SNTB1: variants seen among roughly 807,000 people sequenced by gnomAD.
SNTB1 encodes syntrophin beta 1.
A neutral mutation model predicts 48.9 loss-of-function variants in SNTB1; 36 were observed. That is an observed-to-expected ratio of 0.74 (90% CI 0.56 to 0.97). The LOEUF (loss-of-function observed/expected upper bound fraction) is 0.97. Among genes scored for constraint, SNTB1 ranks in the 50% least tolerant of loss-of-function variants. The probability of loss-of-function intolerance (pLI) is 0.00; values close to 1 mark genes in which losing one functional copy is unlikely to be tolerated. For missense variants in SNTB1, 786 were observed against 703.4 expected (o/e 1.12, Z -1.33); for synonymous variants, 299 against 294.6 (o/e 1.01, Z -0.15).
chr8:120,772,415 A>G (rs903661436), intron 1 of SNTB1, among the ~76,000 whole-genome samples: 2 of 147,678 alleles, frequency 1.4e-5, no homozygotes, highest in African/African-American at 2.5e-5. Flanking sequence ...CCAGCTAATT[A>G]TTTCTATTTT....
intron 2 of SNTB1, among the ~76,000 whole-genome samples, chr8:120,692,780 G>C (rs1440898935): frequency 6.6e-6 from 1 of 152,084 alleles, no homozygotes; most frequent in Non-Finnish European, 1.5e-5. Context: ...ACAGCACTGA[G>C]GCCTAGTAAG....
chr8:120,605,643 A>T (rs1816501248), intron 3 of SNTB1, among the ~76,000 whole-genome samples: 1 of 152,148 alleles, frequency 6.6e-6, no homozygotes, highest in South Asian at 2.1e-4. Context: ...ATATGTCTCA[A>T]AACTGAGATT....
chr8:120,809,458 T>G (rs1227596430), intron 1 of SNTB1, among the ~76,000 whole-genome samples: 1 of 152,202 alleles, frequency 6.6e-6, no homozygotes, highest in East Asian at 1.9e-4. Flanking sequence ...TTTCTTTCTC[T>G]AAGTTTATTT....
Position 120,548,155 on chromosome 8 carries a change from C to A in SNTB1, c.1333+607G>T, listed in dbSNP as rs551720201. ...TTCCTCTCCTCTCTATCTCTCTCCC[C>A]TCTCCTATTGCCATGTGATATCCCA... On this transcript the variant is annotated intron_variant, in intron 5 of 6. Coordinates refer to ENST00000517992, the MANE Select transcript of SNTB1 (RefSeq NM_021021.4). Among the ~76,000 whole-genome samples the A allele has an allele frequency of 5.9e-5, 9 of 152,200 alleles. No individual in the cohort carries two copies. The South Asian group carries it at 1.9e-3, about 32-fold the overall frequency.
At chr8:120,801,437 T>C (rs1820224676) in intron 1 of SNTB1, among the ~76,000 whole-genome samples, 1 of 152,022 alleles carries the variant, frequency 6.6e-6, no homozygotes, top group Non-Finnish European at 1.5e-5. Context: ...TTGTAACTTA[T>C]ATATATGTAA....
intron 3 of SNTB1, among the ~76,000 whole-genome samples, chr8:120,596,209 C>T (rs963550678): frequency 6.6e-6 from 1 of 152,186 alleles, no homozygotes; most frequent in Non-Finnish European, 1.5e-5. Flanking sequence ...TCCAGTGTCT[C>T]TCTACATAAC....
intron 1 of SNTB1, among the ~76,000 whole-genome samples, chr8:120,787,903 G>C (rs529035906): frequency 6.6e-6 from 1 of 152,208 alleles, no homozygotes; most frequent in East Asian, 1.9e-4. Context: ...ATTGCACAAA[G>C]AAAATCATCA....
At chr8:120,712,640 G>A (rs948160488) in intron 1 of SNTB1, among the ~76,000 whole-genome samples, 3 of 152,116 alleles carry the variant, frequency 2.0e-5, no homozygotes, top group African/African-American at 7.2e-5. Context: ...GTAAGCCACT[G>A]TAATAACATG....
At chr8:120,624,120 T>G (rs1257656018) in intron 3 of SNTB1, among the ~76,000 whole-genome samples, 1 of 152,146 alleles carries the variant, frequency 6.6e-6, no homozygotes, top group Non-Finnish European at 1.5e-5. Flanking sequence ...GTATTTTTAG[T>G]AGACATGGGG....
intron 1 of SNTB1, among the ~76,000 whole-genome samples, chr8:120,743,964 C>A (rs1412313049): frequency 9.2e-5 from 14 of 151,906 alleles, no homozygotes; most frequent in Non-Finnish European, 5.9e-5. Flanking sequence ...TTTGTCTCTA[C>A]ACAAAATAAA....
intron 1 of SNTB1, among the ~76,000 whole-genome samples, chr8:120,774,757 C>T (rs115033809): frequency 0.038 from 5,783 of 152,144 alleles, 363 homozygotes; most frequent in African/African-American, 0.13. Flanking sequence ...GGGTTCAAAC[C>T]ATTCTCCTGC....
At chr8:120,544,727 A>T (rs1040882878) in intron 5 of SNTB1, among the ~76,000 whole-genome samples, 1 of 151,312 alleles carries the variant, frequency 6.6e-6, no homozygotes, top group African/African-American at 2.4e-5. Context: ...GTTATTACAC[A>T]TGTAACCTTA....
intron 1 of SNTB1, among the ~76,000 whole-genome samples, chr8:120,747,390 A>G (rs1240791887): frequency 6.6e-6 from 1 of 152,212 alleles, no homozygotes; most frequent in African/African-American, 2.4e-5. Flanking sequence ...TCCAGGGTTC[A>G]AGCGACTCTC....
chr8:120,582,806 G>A (rs1484724076), intron 3 of SNTB1, among the ~76,000 whole-genome samples: 2 of 152,102 alleles, frequency 1.3e-5, no homozygotes, highest in East Asian at 3.9e-4. Context: ...AATACCTAAT[G>A]CATGCGGGGC....
At chr8:120,713,336 G>A (rs1818497441) in intron 1 of SNTB1, among the ~76,000 whole-genome samples, 1 of 152,134 alleles carries the variant, frequency 6.6e-6, no homozygotes, top group Non-Finnish European at 1.5e-5. Flanking sequence ...ATTTTCATCT[G>A]TCTAGACATT....
At chr8:120,567,358 G>A (rs1034286553) in intron 4 of SNTB1, among the ~76,000 whole-genome samples, 14 of 151,004 alleles carry the variant, frequency 9.3e-5, no homozygotes, top group African/African-American at 2.4e-4. Flanking sequence ...CCTAAAGCAC[G>A]TAGCCTTGAT....
intron 3 of SNTB1, among the ~76,000 whole-genome samples, chr8:120,610,766 C>G (rs1009367631): frequency 6.6e-6 from 1 of 152,124 alleles, no homozygotes; most frequent in Non-Finnish European, 1.5e-5. Context: ...AGCTGCTGAT[C>G]AGTTTCAGGT....
intron 2 of SNTB1, among the ~76,000 whole-genome samples, chr8:120,692,327 G>C (rs1364226590): frequency 6.6e-6 from 1 of 152,106 alleles, no homozygotes; most frequent in East Asian, 1.9e-4. Context: ...TCTGAGCCTA[G>C]CCAAATACTT....
intron 4 of SNTB1, among the ~76,000 whole-genome samples, chr8:120,561,319 C>CAAAAAAAAA (rs1221884195): frequency 5.1e-3 from 228 of 44,598 alleles, no homozygotes; most frequent in Non-Finnish European, 5.9e-3. Flanking sequence ...AACTCCATCT[C>CAAAAAAAAA]AAAAAAAAAA....
Sources: gnomAD v4.1 joint callset for allele counts (sites outside exome capture counted in the v4.1 genomes callset) on GRCh38, gnomAD v4.1.1 for gene constraint, MANE v1.5 for transcripts, NCBI Gene and HGNC (gene_info 2026-07-23, HGNC 2026-07-21) for gene names.